Variants in CSGALNACT1 observed in about 807,000 individuals in gnomAD.
The protein encoded by CSGALNACT1 is beta4GalNAcT-1.
A neutral mutation model predicts 51.0 loss-of-function variants in CSGALNACT1; 52 were observed. The ratio of observed to expected loss-of-function variants is 1.02; its 90% confidence interval spans 0.82 to 1.29. CSGALNACT1 has a LOEUF of 1.29. CSGALNACT1 is among the 50% of genes most tolerant of loss of function. CSGALNACT1 has a pLI of 0.00. For synonymous variants in CSGALNACT1, 341 were observed against 254.4 expected (o/e 1.34, Z -3.24); for missense variants, 935 against 679.2 (o/e 1.38, Z -4.19).
chr8:19,706,427 C>T (rs576875706), intron 1 of CSGALNACT1, among the ~76,000 whole-genome samples: 2 of 152,178 alleles, frequency 1.3e-5, no homozygotes, highest in South Asian at 2.1e-4. Context: ...AGTGGAGCCA[C>T]GGCAGCCCAT....
chr8:19,691,568 C>A (rs2061324105), intron 1 of CSGALNACT1, among the ~76,000 whole-genome samples: 1 of 152,210 alleles, frequency 6.6e-6, no homozygotes, highest in South Asian at 2.1e-4. Context: ...GCACCCAGTC[C>A]TGCAGCTCCA....
chr8:19,547,455 A>G (rs991858649), intron 3 of CSGALNACT1, among the ~76,000 whole-genome samples: 2 of 140,436 alleles, frequency 1.4e-5, no homozygotes, highest in Admixed American at 7.2e-5. Context: ...TGGTTTCCCC[A>G]TACTGTTCTC....
intron 6 of CSGALNACT1, among the ~76,000 whole-genome samples, chr8:19,423,845 T>A (rs1563321784): frequency 6.6e-6 from 1 of 152,220 alleles, no homozygotes; most frequent in East Asian, 1.9e-4. Context: ...CTACCCAATC[T>A]GAATATGCAT....
At chr8:19,551,068 C>T (rs946883369) in intron 3 of CSGALNACT1, among the ~76,000 whole-genome samples, 2 of 152,142 alleles carry the variant, frequency 1.3e-5, no homozygotes, top group Non-Finnish European at 2.9e-5. Context: ...TCTGAAACCA[C>T]GCCCCAGGGT....
At chr8:19,406,196 C>T in intron 9 of CSGALNACT1, 127 bp from the exon 9 acceptor site, 1 of 1,107,170 alleles carries the variant, frequency 9.0e-7, no homozygotes, top group Admixed American at 1.8e-5. Flanking sequence ...ACCACCCCTC[C>T]AAGGTACGAG....
rs184218538 is a variant in CSGALNACT1, at chr8:19,438,966, A to C, written c.953+864T>G. On this transcript the variant is annotated intron_variant, in intron 6 of 9. Coordinates refer to ENST00000454498, the Ensembl canonical transcript of CSGALNACT1. ...AACAGAGGACACTGTTTATATCTAA[A>C]TGATATGGATCTACTCAGACTATGT... Among the ~76,000 whole-genome samples, 253 of 152,316 alleles carry C rather than the reference A, an allele frequency of 1.7e-3. 1 individual carries two copies. Among genetic ancestry groups the C allele is most frequent in the Non-Finnish European group, 1.4e-3 (98 of 68,024 alleles).
At chr8:19,738,358 G>A (rs911573095) in intron 1 of CSGALNACT1, among the ~76,000 whole-genome samples, 9 of 152,356 alleles carry the variant, frequency 5.9e-5, no homozygotes, top group African/African-American at 2.2e-4. Context: ...ATTACAGTAA[G>A]TGAAATAAAC....
intron 1 of CSGALNACT1, among the ~76,000 whole-genome samples, chr8:19,697,561 T>C (rs1351175604): frequency 6.6e-6 from 1 of 152,056 alleles, no homozygotes; most frequent in African/African-American, 2.4e-5. Flanking sequence ...GATAAATGGC[T>C]GGAAAAATCT....
upstream of CSGALNACT1, among the ~76,000 whole-genome samples, chr8:19,606,880 G>C (rs981474822): frequency 6.6e-6 from 1 of 152,146 alleles, no homozygotes; most frequent in Non-Finnish European, 1.5e-5. Flanking sequence ...GTGTAGCCGG[G>C]CACGGTGGCT....
At chr8:19,687,146 T>C (rs190046682), upstream of CSGALNACT1, among the ~76,000 whole-genome samples, 1 of 152,202 alleles carries the variant, frequency 6.6e-6, no homozygotes, top group East Asian at 1.9e-4. Context: ...AGAGTGTATT[T>C]GTGACGTTTG....
At chr8:19,452,058 A>G (rs935196783) in intron 5 of CSGALNACT1, among the ~76,000 whole-genome samples, 1 of 152,260 alleles carries the variant, frequency 6.6e-6, no homozygotes, top group African/African-American at 2.4e-5. Flanking sequence ...AATGGCAACA[A>G]TTTTGCCACC....
chr8:19,507,776 C>T (rs1007784580), intron 3 of CSGALNACT1, among the ~76,000 whole-genome samples: 4 of 152,144 alleles, frequency 2.6e-5, no homozygotes, highest in Non-Finnish European at 5.9e-5. Flanking sequence ...TACAGGCACG[C>T]ATCACCACCC....
intron 8 of CSGALNACT1, among the ~76,000 whole-genome samples, chr8:19,413,432 G>A (rs1197178060): frequency 2.0e-5 from 3 of 152,120 alleles, no homozygotes; most frequent in African/African-American, 7.2e-5. Context: ...TCCCCTTATT[G>A]AGTATTACGT....
At chr8:19,699,335 C>T (rs2061740250) in intron 1 of CSGALNACT1, among the ~76,000 whole-genome samples, 1 of 152,200 alleles carries the variant, frequency 6.6e-6, no homozygotes, top group East Asian at 1.9e-4. Flanking sequence ...GATTTCTGTA[C>T]ACCCATGTTC....
intron 3 of CSGALNACT1, among the ~76,000 whole-genome samples, chr8:19,561,769 A>C (rs2040778348): frequency 6.6e-6 from 1 of 152,222 alleles, no homozygotes; most frequent in African/African-American, 2.4e-5. Flanking sequence ...AGCTAATTCT[A>C]CTGGCAGTGA....
At chr8:19,423,959 G>A (rs879645064) in intron 6 of CSGALNACT1, among the ~76,000 whole-genome samples, 13 of 152,042 alleles carry the variant, frequency 8.6e-5, no homozygotes, top group African/African-American at 2.9e-4. Context: ...GGGGGCCGGC[G>A]CACACACACA....
At chr8:19,556,569 AAT>A (rs958558879) in intron 3 of CSGALNACT1, among the ~76,000 whole-genome samples, 1 of 152,196 alleles carries the variant, frequency 6.6e-6, no homozygotes, top group Non-Finnish European at 1.5e-5. Flanking sequence ...ACTGCTGACC[AAT>A]AGTGTTGTGC....
intron 1 of CSGALNACT1, among the ~76,000 whole-genome samples, chr8:19,748,241 T>G (rs997806433): frequency 6.6e-6 from 1 of 152,170 alleles, no homozygotes; most frequent in African/African-American, 2.4e-5. Flanking sequence ...CAGGGGACAT[T>G]AGGAATTCAT....
intron 1 of CSGALNACT1, among the ~76,000 whole-genome samples, chr8:19,644,772 C>G (rs1478805581): frequency 6.8e-6 from 1 of 147,530 alleles, no homozygotes; most frequent in African/African-American, 2.5e-5. Context: ...CAAGCCAAAG[C>G]TTCTTCTAAA....
Sources: allele counts gnomAD v4.1 joint callset (sites outside exome capture counted in the v4.1 genomes callset), GRCh38; gene constraint gnomAD v4.1.1; transcripts MANE v1.5; gene names NCBI Gene and HGNC (gene_info 2026-07-23, HGNC 2026-07-21).